Variants in CSMD1 observed in about 807,000 individuals in gnomAD.
The protein encoded by CSMD1 is CUB and sushi domain-containing protein 1.
Under a neutral mutation model 417.5 loss-of-function variants are expected in CSMD1, and 213 were observed. The ratio of observed to expected loss-of-function variants is 0.51; its 90% confidence interval spans 0.46 to 0.57. The LOEUF (loss-of-function observed/expected upper bound fraction) is 0.57. Among genes scored for constraint, CSMD1 ranks in the 20% least tolerant of loss-of-function variants. The probability of loss-of-function intolerance (pLI) is 0.00; values close to 1 mark genes in which losing one functional copy is unlikely to be tolerated. For missense variants in CSMD1, 6,923 were observed against 4,529.7 expected (o/e 1.53, Z -15.17); for synonymous variants, 2,862 against 1,736.8 (o/e 1.65, Z -16.11).
intron 26 of CSMD1, among the ~76,000 whole-genome samples, chr8:3,257,223 C>A (rs1040654998): frequency 1.6e-4 from 25 of 152,182 alleles, no homozygotes; most frequent in Non-Finnish European, 7.3e-5. Flanking sequence ...ACTCAGGAGG[C>A]TGAGGCAGGA....
At chr8:3,134,008 T>A (rs1261631744) in intron 41 of CSMD1, among the ~76,000 whole-genome samples, 3 of 151,988 alleles carry the variant, frequency 2.0e-5, no homozygotes, top group African/African-American at 7.2e-5. Flanking sequence ...TGAAACCCTG[T>A]CTCCACTAAA....
chr8:4,009,594 T>G (rs1585125477), intron 4 of CSMD1, among the ~76,000 whole-genome samples: 1 of 152,272 alleles, frequency 6.6e-6, no homozygotes. Flanking sequence ...CCAACTCAAT[T>G]TTTACAATTG....
chr8:3,815,145 C>G (rs893576960), intron 5 of CSMD1, among the ~76,000 whole-genome samples: 12 of 152,070 alleles, frequency 7.9e-5, no homozygotes, highest in African/African-American at 2.9e-4. Flanking sequence ...GTATTTCTCC[C>G]AGATATAGGG....
rs1802165931 is a variant in CSMD1, at chr8:3,274,984, G to T, written c.4153+9160C>A. Among the ~76,000 whole-genome samples the T allele has an allele frequency of 3.3e-5, 5 of 152,088 alleles. No homozygotes were observed. In the South Asian group the frequency reaches 8.3e-4, roughly 25 times the overall value. The stretch of plus-strand genomic sequence containing the variant: ...GATCCTGTCATTATGATGTTAGCTG[G>T]TTATTTTGCTCGTTAGTTGATGCAG... On this transcript the variant is annotated intron_variant, in intron 26 of 69. Transcript: ENST00000635120.
Position 4,679,496 on chromosome 8 carries a change from T to C in CSMD1, c.86-41938A>G, listed in dbSNP as rs532548153. On this transcript the variant is annotated intron_variant, in intron 1 of 69. Coordinates refer to ENST00000635120, the MANE Select transcript of CSMD1 (RefSeq NM_033225.6). ...ATATACCTATCACTATTCTAGAATT[T>C]CATGAGTCTAGACTTCGCTTCTGGC... Among the ~76,000 whole-genome samples, 4 of 152,352 alleles carry C rather than the reference T, an allele frequency of 2.6e-5. No homozygotes were observed. In the South Asian group the frequency reaches 8.3e-4, roughly 32 times the overall value.
At chr8:3,594,030 T>C (rs1800977284) in intron 8 of CSMD1, among the ~76,000 whole-genome samples, 1 of 152,290 alleles carries the variant, frequency 6.6e-6, no homozygotes, top group African/African-American at 2.4e-5. Context: ...AGAGTGACGT[T>C]TGATTCAAGA....
At chr8:3,718,712 T>C (rs561268746) in intron 6 of CSMD1, among the ~76,000 whole-genome samples, 7 of 152,294 alleles carry the variant, frequency 4.6e-5, no homozygotes, top group Admixed American at 3.9e-4. Context: ...AAAGGGTAAT[T>C]AGCATAAGAT....
chr8:4,344,785 G>A (rs1305434253), intron 3 of CSMD1, among the ~76,000 whole-genome samples: 2 of 152,100 alleles, frequency 1.3e-5, no homozygotes, highest in Non-Finnish European at 2.9e-5. Flanking sequence ...ATGTTTACCA[G>A]CAAGAAATAT....
In CSMD1 at chr8:3,449,797, C is replaced by T. The variant is rs1373584725; in HGVS notation, c.1561+18915G>A. On this transcript the variant is annotated intron_variant, in intron 12 of 69. Coordinates refer to ENST00000635120, the MANE Select transcript of CSMD1 (RefSeq NM_033225.6). Reference sequence around the variant, plus strand: ...CCTCCCAAAGTGCCAGCATTACAGGCATGAGCCACTGCACCTAGCCGAGAG... The same window carrying T: ...CCTCCCAAAGTGCCAGCATTACAGGTATGAGCCACTGCACCTAGCCGAGAG... Among the ~76,000 whole-genome samples the T allele has an allele frequency of 2.6e-5, 4 of 152,276 alleles. No homozygotes were observed. The South Asian group carries it at 8.3e-4, about 32-fold the overall frequency.
Position 2,942,344 on chromosome 8 carries a change from A to T in CSMD1, c.10535+128T>A. On this transcript the variant is annotated intron_variant, in intron 69 of 69. Coordinates refer to ENST00000635120, the MANE Select transcript of CSMD1 (RefSeq NM_033225.6). ...GGAACTCAAAATAAAAGTTGATTTA[A>T]AAAAAAAAAAAGAACATTGCATAGT... is the stretch of plus-strand genomic sequence containing the variant. 7.9e-5 allele frequency: 56 copies of T among 705,712 alleles called. No homozygotes were observed. The South Asian group carries it at 1.6e-3, about 20-fold the overall frequency. 43.7% of individuals were successfully genotyped at this position (705,712 alleles called of 1,614,324 possible).
chr8:4,386,230 A>G (rs1803445303), intron 3 of CSMD1, among the ~76,000 whole-genome samples: 1 of 152,000 alleles, frequency 6.6e-6, no homozygotes, highest in South Asian at 2.1e-4. Context: ...ATCCAACTCA[A>G]GCAATACACA....
intron 5 of CSMD1, among the ~76,000 whole-genome samples, chr8:3,854,598 G>A (rs1324557135): frequency 6.6e-6 from 1 of 152,060 alleles, no homozygotes; most frequent in Admixed American, 6.6e-5. Flanking sequence ...CCTCACCCAA[G>A]GAGATTCCTA....
At chr8:4,958,248 G>C (rs1809251820) in intron 1 of CSMD1, among the ~76,000 whole-genome samples, 1 of 152,028 alleles carries the variant, frequency 6.6e-6, no homozygotes, top group African/African-American at 2.4e-5. Context: ...TTCAATATGA[G>C]ATTAGAAAAA....
chr8:4,400,478 C>G (rs1277001286), intron 3 of CSMD1, among the ~76,000 whole-genome samples: 1 of 152,202 alleles, frequency 6.6e-6, no homozygotes, highest in Non-Finnish European at 1.5e-5. Flanking sequence ...CACGCAAATT[C>G]TTGTGTTCAG....
chr8:2,973,329 A>G (rs775518854), intron 56 of CSMD1, 30 bp from the exon 57 acceptor site: 1 of 1,603,218 alleles, frequency 6.2e-7, no homozygotes, highest in South Asian at 1.1e-5. Flanking sequence ...ACGGCAATCC[A>G]CAATTGTGTT....
chr8:3,092,666 C>A (rs1283240791), intron 47 of CSMD1, among the ~76,000 whole-genome samples: 1 of 152,178 alleles, frequency 6.6e-6, no homozygotes, highest in Admixed American at 6.5e-5. Context: ...ACAAAGTTAA[C>A]ATTGAAAGTA....
chr8:3,426,082 G>A (rs1813820926), intron 12 of CSMD1, among the ~76,000 whole-genome samples: 1 of 152,128 alleles, frequency 6.6e-6, no homozygotes, highest in South Asian at 2.1e-4. Flanking sequence ...ATGTAAAAAA[G>A]CAGAACAGAC....
chr8:3,091,944 G>C (rs368449116), intron 47 of CSMD1, among the ~76,000 whole-genome samples: 1 of 152,082 alleles, frequency 6.6e-6, no homozygotes, highest in African/African-American at 2.4e-5. Context: ...AAAAATGAAA[G>C]TAATATGTAT....
chr8:4,025,462 A>G (rs1797012027), intron 4 of CSMD1, among the ~76,000 whole-genome samples: 1 of 152,252 alleles, frequency 6.6e-6, no homozygotes, highest in Admixed American at 6.5e-5. Context: ...TATGGGAAAC[A>G]TAAAGCAAAT....
Sources: gnomAD v4.1 joint callset for allele counts (sites outside exome capture counted in the v4.1 genomes callset) on GRCh38, gnomAD v4.1.1 for gene constraint, MANE v1.5 for transcripts, NCBI Gene and HGNC (gene_info 2026-07-23, HGNC 2026-07-21) for gene names.